Variants in DSCAM observed in about 807,000 individuals in gnomAD.
DSCAM encodes cell adhesion molecule DSCAM.
Under a neutral mutation model 217.7 loss-of-function variants are expected in DSCAM, and 47 were observed. The ratio of observed to expected loss-of-function variants is 0.22; its 90% confidence interval spans 0.17 to 0.28. The LOEUF is 0.28. Among genes scored for constraint, DSCAM ranks in the 10% least tolerant of loss-of-function variants. The pLI, the probability that DSCAM is intolerant of heterozygous loss-of-function variation, is 1.00. For missense variants in DSCAM, 2,080 were observed against 2,618.3 expected (o/e 0.79, Z 4.49); for synonymous variants, 1,056 against 1,015.3 (o/e 1.04, Z -0.76).
intron 3 of DSCAM, among the ~76,000 whole-genome samples, chr21:40,551,123 C>G (rs2076626082): frequency 6.6e-6 from 1 of 152,238 alleles, no homozygotes; most frequent in Non-Finnish European, 1.5e-5. Flanking sequence ...TGACCATGGC[C>G]TGAGGCATAG....
In DSCAM at chr21:40,022,834, A is replaced by G. The variant is rs189728911; in HGVS notation, c.5687-9448T>C. On this transcript the variant is annotated intron_variant, in intron 32 of 32. Coordinates refer to ENST00000400454, the MANE Select transcript of DSCAM (RefSeq NM_001389.5). Reference sequence around the variant, plus strand: ...TATTAGCAACAAGTAATATTTACCAAAAGTATTGAGTTGGATGTATTTTAG... The same window carrying G: ...TATTAGCAACAAGTAATATTTACCAGAAGTATTGAGTTGGATGTATTTTAG... Among the ~76,000 whole-genome samples, 743 of 152,054 alleles carry G rather than the reference A, an allele frequency of 4.9e-3. 6 individuals carry two copies. The highest frequency in any genetic ancestry group is 0.017 in the African/African-American group (701 of 41,484).
chr21:40,453,060 G>A (rs998960964), intron 3 of DSCAM, among the ~76,000 whole-genome samples: 10 of 147,448 alleles, frequency 6.8e-5, no homozygotes, highest in Middle Eastern at 3.4e-3. Flanking sequence ...GTGTGTGTGT[G>A]TGTGTGTGTG....
chr21:40,803,297 T>G (rs2091758460), intron 1 of DSCAM, among the ~76,000 whole-genome samples: 1 of 152,238 alleles, frequency 6.6e-6, no homozygotes, highest in Admixed American at 6.5e-5. Context: ...TCATTGCCTC[T>G]GTTTGCCAAG....
intron 27 of DSCAM, among the ~76,000 whole-genome samples, chr21:40,065,588 C>G (rs1447330688): frequency 6.6e-6 from 1 of 152,166 alleles, no homozygotes; most frequent in Non-Finnish European, 1.5e-5. Context: ...AGAGCTGGGG[C>G]CACTGCCACT....
At chr21:40,138,801 ATGTGTGGTG>A (rs1210630433) in intron 18 of DSCAM, among the ~76,000 whole-genome samples, 2 of 110,858 alleles carry the variant, frequency 1.8e-5, no homozygotes, top group African/African-American at 7.2e-5. Flanking sequence ...TATGTGTGGT[ATGTGTGGTG>A]TGTGTACGTG....
intron 9 of DSCAM, 30 bp from the exon 10 acceptor site, chr21:40,296,204 A>G (rs756004215): frequency 1.2e-6 from 2 of 1,612,458 alleles, no homozygotes; most frequent in Admixed American, 3.3e-5. Flanking sequence ...ACCAGTAATT[A>G]AGACTAGACC....
chr21:40,305,710 A>AT (rs58654070), intron 9 of DSCAM, among the ~76,000 whole-genome samples: 15,967 of 151,992 alleles, frequency 0.11, 1,348 homozygotes, highest in African/African-American at 0.23. Context: ...TCCTTTCCCC[A>AT]TTGCTTGTTT....
At chr21:40,663,140 T>A (rs1235844964) in intron 3 of DSCAM, among the ~76,000 whole-genome samples, 1 of 49,838 alleles carries the variant, frequency 2.0e-5, no homozygotes, top group East Asian at 6.1e-3. Flanking sequence ...GGTGTGTGCA[T>A]GTATGCATGT....
chr21:40,631,359 C>T (rs73368980), intron 3 of DSCAM, among the ~76,000 whole-genome samples: 9,056 of 152,260 alleles, frequency 0.059, 315 homozygotes, highest in Middle Eastern at 0.11. Context: ...CCCTAGCTGT[C>T]ACCATCAGGT....
chr21:40,256,304 G>A (rs1469415918), intron 11 of DSCAM, among the ~76,000 whole-genome samples: 1 of 151,940 alleles, frequency 6.6e-6, no homozygotes, highest in Non-Finnish European at 1.5e-5. Context: ...CATGTGTGTG[G>A]GAATATAATC....
intron 8 of DSCAM, among the ~76,000 whole-genome samples, chr21:40,331,259 T>C (rs1264622152): frequency 2.0e-5 from 3 of 152,324 alleles, no homozygotes; most frequent in Non-Finnish European, 4.4e-5. Context: ...GAACAGCTAA[T>C]GAGCAAATGT....
intron 1 of DSCAM, among the ~76,000 whole-genome samples, chr21:40,710,209 T>C (rs1405423585): frequency 2.0e-5 from 3 of 152,324 alleles, no homozygotes; most frequent in South Asian, 2.1e-4. Flanking sequence ...TTAAGTTCTT[T>C]GTAGAGTAAA....
At chr21:40,072,350 C>CCT (rs529379847) in intron 27 of DSCAM, among the ~76,000 whole-genome samples, 37 of 141,474 alleles carry the variant, frequency 2.6e-4, no homozygotes, top group Non-Finnish European at 4.5e-4. Context: ...CTGTCAGATT[C>CCT]TTTTTTTTTT....
chr21:40,704,525 G>A (rs1188564646), intron 2 of DSCAM, among the ~76,000 whole-genome samples: 1 of 151,994 alleles, frequency 6.6e-6, no homozygotes, highest in Non-Finnish European at 1.5e-5. Flanking sequence ...GACCGGCCTG[G>A]GTAACATAGT....
chr21:40,844,155 A>T (rs959520380), intron 1 of DSCAM, among the ~76,000 whole-genome samples: 1 of 152,208 alleles, frequency 6.6e-6, no homozygotes, highest in Non-Finnish European at 1.5e-5. Flanking sequence ...TTTAATTCAG[A>T]TAGGTAGAAA....
intron 1 of DSCAM, among the ~76,000 whole-genome samples, chr21:40,751,137 G>A (rs1412547772): frequency 1.3e-5 from 2 of 152,166 alleles, no homozygotes; most frequent in East Asian, 1.9e-4. Flanking sequence ...TGCTCTGCCT[G>A]AAAAGCCCTC....
At chr21:40,503,608 G>T (rs563866567) in intron 3 of DSCAM, among the ~76,000 whole-genome samples, 1 of 152,148 alleles carries the variant, frequency 6.6e-6, no homozygotes, top group Non-Finnish European at 1.5e-5. Context: ...TTTTCAGTGG[G>T]TTACCTTACC....
At chr21:40,488,157 C>G (rs987540207) in intron 3 of DSCAM, among the ~76,000 whole-genome samples, 1 of 152,180 alleles carries the variant, frequency 6.6e-6, no homozygotes, top group African/African-American at 2.4e-5. Context: ...ATGAACTTAC[C>G]AACTCTATGA....
At chr21:40,606,591 G>A (rs1195207163) in intron 3 of DSCAM, among the ~76,000 whole-genome samples, 2 of 152,190 alleles carry the variant, frequency 1.3e-5, no homozygotes, top group East Asian at 3.9e-4. Context: ...ACGGGTGCAT[G>A]GGAGTTAAAG....
Sources: gnomAD v4.1 joint callset for allele counts (sites outside exome capture counted in the v4.1 genomes callset) on GRCh38, gnomAD v4.1.1 for gene constraint, MANE v1.5 for transcripts, NCBI Gene and HGNC (gene_info 2026-07-23, HGNC 2026-07-21) for gene names.